VWF: variants seen among roughly 807,000 people sequenced by gnomAD.
VWF encodes the protein Factor VIII related antigen.
Under a neutral mutation model 308.6 loss-of-function variants are expected in VWF, and 176 were observed. The ratio of observed to expected loss-of-function variants is 0.57; its 90% CI spans 0.50 to 0.65. The LOEUF (loss-of-function observed/expected upper bound fraction) is 0.65. Among genes scored for constraint, VWF ranks in the 30% least tolerant of loss-of-function variants. The pLI is 0.00. For missense variants in VWF, 3,146 were observed against 3,648.2 expected, an observed-to-expected ratio of 0.86 and a Z score of 3.55; for synonymous variants, 1,385 against 1,443.4, an observed-to-expected ratio of 0.96 and a Z score of 0.92.
At chr12:5,985,752 G>T in intron 38 of VWF, 87 bp from the exon 39 acceptor site, 1 of 1,264,314 alleles carries the variant, frequency 7.9e-7, no homozygotes, top group Non-Finnish European at 1.1e-6. Flanking sequence ...CCCTGCCTCC[G>T]GCAAGGGCCA....
At chr12:5,959,160 T>C (rs549633964) in intron 47 of VWF, among the ~76,000 whole-genome samples, 2 of 152,280 alleles carry the variant, frequency 1.3e-5, no homozygotes, top group East Asian at 1.9e-4. Flanking sequence ...TGAGCCATGA[T>C]TGTGCCACTT....
At chr12:6,107,670 A>ATTTT (rs1469600725) in intron 5 of VWF, among the ~76,000 whole-genome samples, 2 of 151,522 alleles carry the variant, frequency 1.3e-5, no homozygotes, top group African/African-American at 4.8e-5. Context: ...ATATATATAT[A>ATTTT]TTTTTTGAGA....
chr12:6,004,202 A>G (rs537246100), intron 34 of VWF, among the ~76,000 whole-genome samples: 3 of 152,340 alleles, frequency 2.0e-5, no homozygotes, highest in East Asian at 1.9e-4. Context: ...ACTAAATAAA[A>G]TATTACCAAA....
chr12:6,059,432 C>G (rs966600948), intron 13 of VWF, among the ~76,000 whole-genome samples: 2 of 152,220 alleles, frequency 1.3e-5, no homozygotes, highest in Admixed American at 1.3e-4. Flanking sequence ...CTGTCTTAGC[C>G]CTTCCAGGCT....
Position 5,971,617 on chromosome 12 carries a change from G to C in VWF, c.7530C>G (p.Ser2510=). Residue 2510 remains serine, a synonymous_variant, in exon 44 of 52, where the codon TCC becomes TCG. Coordinates refer to ENST00000261405, the MANE Select transcript of VWF (RefSeq NM_000552.5). ...GACCTACACTCTTCCAGGAAGACTG[G>C]GAGTCCCCCCGCGGTGAGCCAGTCA... The part of the protein sequence containing the change: ...EVVTGSPRGD[S]QSSWKSVGSQ... 6.2e-7 allele frequency: 1 copy of C among 1,614,142 alleles called. No homozygotes were observed. The highest frequency in any genetic ancestry group is 8.5e-7 in the Non-Finnish European group (1 of 1,180,004).
chr12:6,088,197 G>C (rs1244241378), intron 6 of VWF, among the ~76,000 whole-genome samples: 1 of 149,404 alleles, frequency 6.7e-6, no homozygotes, highest in East Asian at 2.0e-4. Flanking sequence ...GGGTGCCTTT[G>C]GCCGGGCGCG....
At position 6,024,646 on chromosome 12, in the gene VWF, TAC is replaced by T. The variant is rs765105000; in HGVS notation, c.3223-861_3223-860del. Among the ~76,000 whole-genome samples the T allele has an allele frequency of 3.3e-5, 5 of 152,252 alleles. No homozygotes were observed. The highest frequency in any genetic ancestry group is 5.9e-5 in the Non-Finnish European group (4 of 68,038). On this transcript the variant is annotated intron_variant, in intron 24 of 51. Coordinates refer to ENST00000261405, the MANE Select transcript of VWF (RefSeq NM_000552.5). This position sits in a 1 kb window ranked among gnomAD's most constrained non-coding sequence, Gnocchi z 4.0. ...ATGTATGTGTGCATGGCTGTGTGTG[TAC>T]ACAGACTTCTGTAGTCACATATGTC... is the stretch of plus-strand genomic sequence containing the variant.
At position 6,013,632 on chromosome 12, in the gene VWF, G is replaced by C. The variant is rs2136405737; in HGVS notation, c.5469C>G (p.Phe1823Leu). 6.2e-7 allele frequency: 1 copy of C among 1,613,180 alleles called. No individual in the cohort carries two copies. The highest frequency in any genetic ancestry group is 1.3e-5 in the African/African-American group (1 of 75,006). The change falls in exon 32 of 52, where the codon TTC becomes TTG. Residue 1823 changes from phenylalanine to leucine, a missense_variant. Physicochemically the swap from Phe to Leu is conservative, Grantham distance 22. Around this residue, in one of 3 missense-constraint regions of VWF, gnomAD observed 853 missense variants for 1,177.8 expected, o/e 0.72. Coordinates refer to ENST00000261405, the MANE Select transcript of VWF (RefSeq NM_000552.5). ...CGTAGCGATCTCCAATTCCAATAGG[G>C]AACACTGTCACTCCTAGAGTTAGCA... The part of the protein sequence containing the change: ...DAARSNRVTV[F>L]PIGIGDRYDA...
chr12:6,090,548 A>G (rs181848173), intron 6 of VWF, among the ~76,000 whole-genome samples: 2 of 152,044 alleles, frequency 1.3e-5, no homozygotes, highest in East Asian at 3.9e-4. Flanking sequence ...AGGCAGGGGC[A>G]CTCCAGCGGA....
In VWF at chr12:6,052,539, T is replaced by C; in HGVS notation, c.2186+4A>G. The C allele has an allele frequency of 1.2e-6, 2 of 1,614,226 alleles. No homozygotes were observed. Among genetic ancestry groups the C allele is most frequent in the Non-Finnish European group, 8.5e-7 (1 of 1,180,036 alleles). ...AGGTCCCTGACACTGCTGCCTGCAC[T>C]TACCACATGGTGTGATGGTCTGAGA... On this transcript the variant is annotated splice_donor_region_variant and intron_variant, in intron 16 of 51. Transcript: ENST00000261405.
chr12:6,095,393 G>C, intron 6 of VWF, 67 bp downstream of exon 6: 1 of 1,609,142 alleles, frequency 6.2e-7, no homozygotes, highest in Non-Finnish European at 8.5e-7. Context: ...ATGAGACTGA[G>C]TCCTTCTGTC....
At chr12:5,984,209 G>A (rs1021955144) in intron 40 of VWF, among the ~76,000 whole-genome samples, 7 of 152,172 alleles carry the variant, frequency 4.6e-5, no homozygotes, top group Non-Finnish European at 4.4e-5. Context: ...CAAAGTGCCC[G>A]GCACATTGTA....
Position 6,110,391 on chromosome 12 carries a change from T to C in VWF, c.515A>G (p.Asp172Gly), listed in dbSNP as rs200764995. 2 of 1,614,096 alleles carry C rather than the reference T, an allele frequency of 1.2e-6. No individual in the cohort carries two copies. The highest frequency in any genetic ancestry group is 4.5e-5 in the East Asian group (2 of 44,874). The change falls in exon 5 of 52, where the codon GAC (aspartate) becomes GGC (glycine). Residue 172 changes from aspartate to glycine, a missense_variant. This residue lies in a region of VWF where 1,304 missense variants were observed against 1,353.0 expected (regional missense o/e 0.96). Transcript: ENST00000261405. ...CGNFNIFAED[D>G]FMTQEGTLTS... ...CATCTTACCTTCTTGGGTCATAAAG[T>C]CATCTTCAGCAAAGATGTTAAAGTT...
chr12:6,011,651 C>G lies in VWF; in HGVS notation c.5808G>C (p.Val1936=), dbSNP rs1166068460. 5 of 1,613,006 alleles carry G rather than the reference C, an allele frequency of 3.1e-6. No homozygotes were observed. ...SCPNSQSPVK[V]EETCGCRWTC... ...TCCAGCGGCAGCCACAGGTCTCTTC[C>G]ACTTTAACAGGGGACTGGCTGTTAG... The change falls in exon 34 of 52, where the codon GTG becomes GTC. Residue 1936 remains valine (V), a synonymous_variant. Coordinates refer to ENST00000261405, the MANE Select transcript of VWF (RefSeq NM_000552.5).
In VWF at chr12:5,985,092, G is replaced by C; in HGVS notation, c.6929C>G (p.Ala2310Gly). 1 of 1,614,184 alleles carries C rather than the reference G, an allele frequency of 6.2e-7. No individual in the cohort carries two copies. Among genetic ancestry groups the C allele is most frequent in the Middle Eastern group, 1.6e-4 (1 of 6,062 alleles). ...KAPTCGLCEV[A>G]RLRQNADQCC... ...CTGGTCTGCATTCTGGCGGAGGCGG[G>C]CTACTTCACACAGGCCACACGTGGG... The change falls in exon 40 of 52, where the codon GCC becomes GGC. Residue 2310 changes from alanine to glycine, a missense_variant. Coordinates refer to ENST00000261405, the MANE Select transcript of VWF (RefSeq NM_000552.5).
Position 5,949,846 on chromosome 12 carries a change from C to T in VWF, c.8193G>A (p.Leu2731=). The change falls in exon 51 of 52, where the codon CTG becomes CTA. Residue 2731 remains leucine, a synonymous_variant. Coordinates refer to ENST00000261405, the MANE Select transcript of VWF (RefSeq NM_000552.5). ...EPECNDITAR[L]QYVKVGSCKS... is the part of the protein sequence containing the mutation. ...TACAGCTTCCCACCTTGACATACTGCAGCCTGGCAGTGATGTCGTTGCACT... is the reference window on the plus strand; with the variant it reads ...TACAGCTTCCCACCTTGACATACTGTAGCCTGGCAGTGATGTCGTTGCACT... The T allele has an allele frequency of 6.2e-7, 1 of 1,614,148 alleles. No homozygotes were observed. The highest frequency in any genetic ancestry group is 8.5e-7 in the Non-Finnish European group (1 of 1,180,040).
chr12:6,083,560 G>A lies in VWF; in HGVS notation c.658-8009C>T, dbSNP rs931874380. 4.6e-5 allele frequency among the ~76,000 whole-genome samples: 7 copies of A among 152,142 alleles called. No individual in the cohort carries two copies. The South Asian group carries it at 1.2e-3, about 27-fold the overall frequency. On this transcript the variant is annotated intron_variant, in intron 6 of 51. Transcript: ENST00000261405. ...AGCCTGGGCAAGAGAGCGAGACTCC[G>A]TCGCAAAAAACAAAAAAGAAAAGGA...
rs766672651 is a variant in VWF at position 5,951,870 on chromosome 12, T to C, written c.8129A>G (p.Lys2710Arg). The change falls in exon 50 of 52, where the codon AAA (lysine) becomes AGA (arginine). Residue 2710 changes from lysine (K) to arginine (R), a missense_variant. Physicochemically the swap from Lys to Arg is conservative, Grantham distance 26. Transcript: ENST00000261405. ...KCLAEGGKIM[K>R]IPGTCCDTCE... ...TGTGTCACAGCAGGTGCCTGGAATT[T>C]TCATAATTTTACCCTAAGAAAACAG... The C allele has an allele frequency of 1.9e-6, 3 of 1,614,186 alleles. No individual in the cohort carries two copies. The highest frequency in any genetic ancestry group is 4.5e-5 in the East Asian group (2 of 44,882).
At chr12:6,027,374 C>T (rs565341694) in intron 22 of VWF, among the ~76,000 whole-genome samples, 20 of 152,320 alleles carry the variant, frequency 1.3e-4, no homozygotes, top group Admixed American at 3.9e-4. Flanking sequence ...ATCCCCTCTT[C>T]ACAGGGCTCA....
Sources: gnomAD v4.1 joint callset for allele counts (sites outside exome capture counted in the v4.1 genomes callset) on GRCh38, gnomAD v4.1.1 for gene constraint, gnomAD v4.1.1 regional missense constraint, Gnocchi (gnomAD v3.1) non-coding constraint, MANE v1.5 for transcripts, NCBI Gene and HGNC (gene_info 2026-07-23, HGNC 2026-07-21) for gene names.